SCD5: variants seen among roughly 807,000 people sequenced by gnomAD.
The protein encoded by SCD5 is acyl-CoA-desaturase 4.
SCD5 carries 20 observed loss-of-function variants against 30.4 expected under a neutral mutation model. That is an observed-to-expected ratio of 0.66 (90% CI 0.46 to 0.96). The LOEUF (loss-of-function observed/expected upper bound fraction) is 0.96, where lower values mean the gene tolerates loss of function less well. SCD5 is among the 40% of genes least tolerant of loss of function. The probability of loss-of-function intolerance (pLI) is 0.00; values close to 1 mark genes in which losing one functional copy is unlikely to be tolerated. For missense variants in SCD5, 381 were observed against 443.3 expected (o/e 0.86, Z 1.26); for synonymous variants, 173 against 176.4 (o/e 0.98, Z 0.16).
intron 1 of SCD5, among the ~76,000 whole-genome samples, chr4:82,731,438 G>T (rs996844889): frequency 6.6e-6 from 1 of 152,188 alleles, no homozygotes; most frequent in African/African-American, 2.4e-5. Flanking sequence ...CTGCCTCGGG[G>T]CAATGAGACT....
intron 3 of SCD5, among the ~76,000 whole-genome samples, chr4:82,653,753 C>T (rs1024001568): frequency 6.0e-5 from 6 of 99,352 alleles, no homozygotes; most frequent in Admixed American, 1.0e-4. Context: ...CAAATTATGC[C>T]CAGCTAAGAA....
At chr4:82,702,968 G>A (rs1397894604) in intron 2 of SCD5, among the ~76,000 whole-genome samples, 1 of 152,192 alleles carries the variant, frequency 6.6e-6, no homozygotes, top group African/African-American at 2.4e-5. Flanking sequence ...ATCTTAGAGA[G>A]GTACCTTCCA....
chr4:82,685,680 C>T (rs1240726023), intron 2 of SCD5, among the ~76,000 whole-genome samples: 2 of 151,182 alleles, frequency 1.3e-5, no homozygotes, highest in African/African-American at 4.9e-5. Flanking sequence ...CCACTGCACT[C>T]CAGCCTGGGT....
intron 3 of SCD5, among the ~76,000 whole-genome samples, chr4:82,680,082 T>C (rs1469292278): frequency 6.6e-6 from 1 of 152,186 alleles, no homozygotes; most frequent in Non-Finnish European, 1.5e-5. Context: ...AGCACAATTG[T>C]AGGCACTCTT....
intron 1 of SCD5, among the ~76,000 whole-genome samples, chr4:82,712,289 T>TAC (rs1720122318): frequency 2.1e-5 from 1 of 47,868 alleles, no homozygotes; most frequent in African/African-American, 1.1e-4. Context: ...TATATATATA[T>TAC]ATATATATTT....
intron 4 of SCD5, among the ~76,000 whole-genome samples, chr4:82,633,255 T>C (rs1727358830): frequency 1.3e-5 from 2 of 152,252 alleles, no homozygotes; most frequent in Admixed American, 1.3e-4. Flanking sequence ...TGTGCCTGGC[T>C]TACTTCACTT....
chr4:82,733,582 T>A (rs1720688202), intron 1 of SCD5, among the ~76,000 whole-genome samples: 1 of 151,934 alleles, frequency 6.6e-6, no homozygotes, highest in Non-Finnish European at 1.5e-5. Context: ...CCTTCTAATG[T>A]GTGGAGGGGG....
At chr4:82,724,872 A>C (rs572164603) in intron 1 of SCD5, among the ~76,000 whole-genome samples, 10 of 152,358 alleles carry the variant, frequency 6.6e-5, no homozygotes, top group African/African-American at 2.4e-4. Flanking sequence ...CCTGTCCTCC[A>C]CTGCCTCTGA....
chr4:82,643,320 T>C (rs1468710931), intron 3 of SCD5, among the ~76,000 whole-genome samples: 1 of 152,208 alleles, frequency 6.6e-6, no homozygotes, highest in Non-Finnish European at 1.5e-5. Flanking sequence ...CCCATGTTGG[T>C]AGCAACATTA....
intron 3 of SCD5, among the ~76,000 whole-genome samples, chr4:82,670,580 A>C (rs1273918816): frequency 2.6e-5 from 4 of 152,160 alleles, no homozygotes; most frequent in African/African-American, 9.6e-5. Flanking sequence ...AATATGGTAA[A>C]TATCAATTGG....
At chr4:82,779,780 T>C (rs1230950067) in intron 1 of SCD5, among the ~76,000 whole-genome samples, 1 of 152,198 alleles carries the variant, frequency 6.6e-6, no homozygotes, top group Admixed American at 6.5e-5. Context: ...ACCCAAAACC[T>C]TGGGGTCAGA....
chr4:82,730,572 AT>A (rs1263502099), intron 1 of SCD5, among the ~76,000 whole-genome samples: 1 of 126,664 alleles, frequency 7.9e-6, no homozygotes, highest in Non-Finnish European at 1.6e-5. Context: ...AAATATATGT[AT>A]TTTTTTCCCT....
intron 3 of SCD5, among the ~76,000 whole-genome samples, chr4:82,644,928 G>A (rs6535366): frequency 0.91 from 139,151 of 152,256 alleles, 63,661 homozygotes; most frequent in East Asian, 1. Flanking sequence ...TAACAGGTTC[G>A]GTCTTGGTTT....
rs1291838817 is a variant in SCD5 at position 82,630,686 on chromosome 4, C to T, written c.*641G>A. On this transcript the variant is annotated 3_prime_UTR_variant, in exon 5 of 5. Coordinates refer to ENST00000319540, the MANE Select transcript of SCD5 (RefSeq NM_001037582.3). ...AAGTTTTTTAGGCTGGGCGCGCTGG[C>T]TCCCAGCTACTCGGGAGGCTGAGGC... 1 of 151,308 alleles carries T rather than the reference C, an allele frequency of 6.6e-6. No individual in the cohort carries two copies. Among genetic ancestry groups the T allele is most frequent in the African/African-American group, 2.5e-5 (1 of 40,814 alleles). The allele number at this position is 151,308 out of a possible 1,614,324, so 9.4% of individuals were successfully genotyped here. A position where few individuals can be genotyped will look rare whatever the true frequency, so the allele number is the denominator to read the frequency against.
At chr4:82,729,663 T>C (rs556386421) in intron 1 of SCD5, among the ~76,000 whole-genome samples, 1 of 152,288 alleles carries the variant, frequency 6.6e-6, no homozygotes, top group East Asian at 1.9e-4. Context: ...AAAATATGCC[T>C]TTTTAGGATA....
At chr4:82,667,827 G>A (rs1728223970) in intron 3 of SCD5, among the ~76,000 whole-genome samples, 2 of 152,228 alleles carry the variant, frequency 1.3e-5, no homozygotes, top group South Asian at 4.2e-4. Flanking sequence ...AATTTTTGCA[G>A]AGCCAGGATA....
intron 1 of SCD5, among the ~76,000 whole-genome samples, chr4:82,796,663 A>G (rs1030227396): frequency 2.6e-5 from 4 of 152,058 alleles, no homozygotes; most frequent in African/African-American, 9.7e-5. Context: ...CTCTCTGAAC[A>G]CCACAGCTAT....
At chr4:82,747,451 C>T (rs944272656) in intron 1 of SCD5, among the ~76,000 whole-genome samples, 3 of 152,230 alleles carry the variant, frequency 2.0e-5, no homozygotes, top group South Asian at 4.1e-4. Context: ...GAACAAGACC[C>T]ATTGGGTCTA....
intron 1 of SCD5, among the ~76,000 whole-genome samples, chr4:82,768,853 AGGT>A (rs1428102199): frequency 2.0e-5 from 3 of 151,934 alleles, no homozygotes; most frequent in African/African-American, 7.3e-5. Context: ...AGATTATGAG[AGGT>A]GTAGTGTGAA....
Sources: allele counts gnomAD v4.1 joint callset (sites outside exome capture counted in the v4.1 genomes callset), GRCh38; gene constraint gnomAD v4.1.1; transcripts MANE v1.5; gene names NCBI Gene and HGNC (gene_info 2026-07-23, HGNC 2026-07-21).